Variants in RNLS observed in about 807,000 individuals in gnomAD.
RNLS encodes the protein renalase.
Under a neutral mutation model 39.8 loss-of-function variants are expected in RNLS, and 39 were observed. That is an observed-to-expected ratio of 0.98 (90% CI 0.76 to 1.28). The LOEUF is 1.28. Among genes scored for constraint, RNLS ranks in the 50% most tolerant of loss-of-function variants. RNLS has a pLI of 0.00. For missense variants in RNLS, 410 were observed against 413.3 expected, an observed-to-expected ratio of 0.99 and a Z score of 0.07; for synonymous variants, 147 against 150.7, an observed-to-expected ratio of 0.98 and a Z score of 0.18.
chr10:88,245,554 GA>G, the RNLS span, among the ~76,000 whole-genome samples: 3 of 152,106 alleles, frequency 2.0e-5, no homozygotes, highest in African/African-American at 7.2e-5. Context: ...TCTGCAATGG[GA>G]AAAAAATGGC....
At chr10:88,467,204 T>C (rs2133961327) in intron 4 of RNLS, among the ~76,000 whole-genome samples, 1 of 152,214 alleles carries the variant, frequency 6.6e-6, no homozygotes. Context: ...ACCTTTGCTT[T>C]ATAGCCTCAG....
intron 5 of RNLS, among the ~76,000 whole-genome samples, chr10:88,350,190 C>G (rs1439431620): frequency 6.6e-6 from 1 of 151,138 alleles, no homozygotes; most frequent in Non-Finnish European, 1.5e-5. Flanking sequence ...TCTGCAAGTT[C>G]AAATGGTTCC....
the RNLS span, among the ~76,000 whole-genome samples, chr10:88,207,984 A>G: frequency 6.6e-6 from 1 of 152,192 alleles, no homozygotes; most frequent in Non-Finnish European, 1.5e-5. Flanking sequence ...GAAGAGGGTC[A>G]TCGTCTCTTC....
At chr10:88,397,591 G>T (rs938912739) in intron 4 of RNLS, among the ~76,000 whole-genome samples, 2 of 150,870 alleles carry the variant, frequency 1.3e-5, no homozygotes, top group Non-Finnish European at 3.0e-5. Flanking sequence ...TAGGCCCAAA[G>T]AAAGCAGAAG....
the RNLS span, among the ~76,000 whole-genome samples, chr10:88,181,015 C>G: frequency 6.6e-6 from 1 of 152,210 alleles, no homozygotes; most frequent in Non-Finnish European, 1.5e-5. Flanking sequence ...ATCAACATGC[C>G]CTAATCCCTG....
At chr10:88,315,557 T>TA (rs1354244567) in intron 5 of RNLS, among the ~76,000 whole-genome samples, 3 of 152,196 alleles carry the variant, frequency 2.0e-5, no homozygotes, top group African/African-American at 7.2e-5. Context: ...AAGAGAATAT[T>TA]AAAGTGTATA....
the RNLS span, among the ~76,000 whole-genome samples, chr10:88,195,822 A>G: frequency 6.6e-6 from 1 of 152,210 alleles, no homozygotes; most frequent in East Asian, 1.9e-4. Context: ...CAGCCCCATC[A>G]TTAGAACTGC....
chr10:88,330,551 A>G (rs1267856897), intron 5 of RNLS, among the ~76,000 whole-genome samples: 1 of 152,186 alleles, frequency 6.6e-6, no homozygotes, highest in African/African-American at 2.4e-5. Context: ...AGTAACACCA[A>G]TAGTATTTAA....
the RNLS span, among the ~76,000 whole-genome samples, chr10:88,209,087 C>T: frequency 1.3e-5 from 2 of 152,110 alleles, no homozygotes; most frequent in African/African-American, 2.4e-5. Context: ...TGAAACATAT[C>T]CGAAACTCTT....
exon 7 of RNLS, chr10:88,274,702 A>C (rs1842748752): frequency 2.7e-6 from 1 of 368,022 alleles, no homozygotes; most frequent in South Asian, 3.2e-5. Context: ...TTTTGGATAG[A>C]TATCCAGATG....
At chr10:88,272,862 T>C (rs550389199), downstream of RNLS, among the ~76,000 whole-genome samples, 3 of 152,320 alleles carry the variant, frequency 2.0e-5, no homozygotes, top group East Asian at 5.8e-4. Flanking sequence ...TTCTCAGGTG[T>C]AGAAACTTTG....
At chr10:88,425,159 A>G (rs7913372) in intron 4 of RNLS, among the ~76,000 whole-genome samples, 47,745 of 151,840 alleles carry the variant, frequency 0.31, 8,532 homozygotes, top group African/African-American at 0.48. Context: ...ATAATATTTC[A>G]CCCCCATCTA....
At chr10:88,220,444 C>A in the RNLS span, among the ~76,000 whole-genome samples, 1 of 152,284 alleles carries the variant, frequency 6.6e-6, no homozygotes, top group Admixed American at 6.5e-5. Context: ...ATAGTGGATG[C>A]TTTCAGCTGC....
intron 5 of RNLS, among the ~76,000 whole-genome samples, chr10:88,334,955 TAAC>T (rs1847378092): frequency 6.6e-6 from 1 of 152,178 alleles, no homozygotes; most frequent in South Asian, 2.1e-4. Flanking sequence ...TGTAGTTAAT[TAAC>T]AAATTAATTA....
the RNLS span, among the ~76,000 whole-genome samples, chr10:88,198,078 C>A: frequency 1.7e-4 from 26 of 152,332 alleles, no homozygotes; most frequent in Non-Finnish European, 3.5e-4. Flanking sequence ...GACTCTTGAT[C>A]CCACCTCTAG....
chr10:88,366,741 G>A (rs914959396), intron 4 of RNLS, among the ~76,000 whole-genome samples: 5 of 149,046 alleles, frequency 3.4e-5, no homozygotes, highest in African/African-American at 7.4e-5. Flanking sequence ...TGAGCTGAGC[G>A]GGCATAATAA....
chr10:88,528,507 C>T (rs1316463844), intron 4 of RNLS, among the ~76,000 whole-genome samples: 1 of 152,048 alleles, frequency 6.6e-6, no homozygotes, highest in Non-Finnish European at 1.5e-5. Flanking sequence ...AAGATGTGAG[C>T]TCTGAGGCAG....
intron 5 of RNLS, among the ~76,000 whole-genome samples, chr10:88,317,942 C>G (rs1271880673): frequency 6.6e-6 from 1 of 152,228 alleles, no homozygotes; most frequent in Admixed American, 6.5e-5. Context: ...CACTGACTGT[C>G]AAACTGTTGG....
chr10:88,557,543 C>T (rs932139641), intron 4 of RNLS, among the ~76,000 whole-genome samples: 1 of 152,034 alleles, frequency 6.6e-6, no homozygotes, highest in African/African-American at 2.4e-5. Flanking sequence ...ATATAAGATA[C>T]ATTTGTGAAG....
Sources: allele counts gnomAD v4.1 joint callset (sites outside exome capture counted in the v4.1 genomes callset), GRCh38; gene constraint gnomAD v4.1.1; transcripts MANE v1.5; gene names NCBI Gene and HGNC (gene_info 2026-07-23, HGNC 2026-07-21).